Variants in PABPC4L observed in about 807,000 individuals in gnomAD.
PABPC4L encodes the protein polyadenylate-binding protein 4-like.
For missense variants in PABPC4L, 452 were observed against 451.4 expected (o/e 1.00, Z -0.01); for synonymous variants, 169 against 164.1 (o/e 1.03, Z -0.23).
chr4:134,188,106 G>T, the PABPC4L span, among the ~76,000 whole-genome samples: 1 of 151,448 alleles, frequency 6.6e-6, no homozygotes, highest in African/African-American at 2.4e-5. Flanking sequence ...TCATGTGTGT[G>T]TGTGCAGGGG....
At chr4:133,966,612 G>T in the PABPC4L span, among the ~76,000 whole-genome samples, 6 of 152,124 alleles carry the variant, frequency 3.9e-5, no homozygotes, top group African/African-American at 1.2e-4. Flanking sequence ...ATATACAATG[G>T]AATACTACTC....
the PABPC4L span, among the ~76,000 whole-genome samples, chr4:134,115,524 A>C: frequency 1.3e-5 from 2 of 151,890 alleles, no homozygotes; most frequent in Non-Finnish European, 2.9e-5. Context: ...GGAGATCTAG[A>C]ATAAGAGAAA....
the PABPC4L span, among the ~76,000 whole-genome samples, chr4:134,141,196 T>A: frequency 1.3e-5 from 2 of 151,660 alleles, no homozygotes. Context: ...CAACTGTAGA[T>A]AGTCCAAGTC....
At chr4:134,164,996 T>G in the PABPC4L span, among the ~76,000 whole-genome samples, 11 of 152,136 alleles carry the variant, frequency 7.2e-5, no homozygotes, top group Non-Finnish European at 1.5e-4. Flanking sequence ...AACCAACTGA[T>G]CTTTGACAAT....
chr4:134,154,141 C>G, the PABPC4L span, among the ~76,000 whole-genome samples: 1 of 151,948 alleles, frequency 6.6e-6, no homozygotes, highest in Admixed American at 6.6e-5. Context: ...AACATTGACT[C>G]CATAGAAAAT....
At chr4:134,172,231 A>G in the PABPC4L span, among the ~76,000 whole-genome samples, 1 of 152,286 alleles carries the variant, frequency 6.6e-6, no homozygotes, top group South Asian at 2.1e-4. Flanking sequence ...CAAAAAGTAC[A>G]AAGTTGGAGA....
At chr4:134,084,267 A>G in the PABPC4L span, among the ~76,000 whole-genome samples, 1 of 151,988 alleles carries the variant, frequency 6.6e-6, no homozygotes, top group African/African-American at 2.4e-5. Context: ...GGCTGGTATC[A>G]AACTCCTGGC....
the PABPC4L span, among the ~76,000 whole-genome samples, chr4:134,070,798 G>T: frequency 1.1e-4 from 16 of 152,260 alleles, 1 homozygote; most frequent in South Asian, 3.3e-3. Context: ...GGCAGCTGCA[G>T]CTTCACTGCA....
the PABPC4L span, among the ~76,000 whole-genome samples, chr4:133,974,407 T>C: frequency 6.6e-6 from 1 of 152,242 alleles, no homozygotes; most frequent in African/African-American, 2.4e-5. Flanking sequence ...TTTTAAATTA[T>C]GAAATCCTTA....
chr4:134,091,587 C>G, the PABPC4L span, among the ~76,000 whole-genome samples: 2 of 151,684 alleles, frequency 1.3e-5, no homozygotes, highest in Non-Finnish European at 2.9e-5. Flanking sequence ...GTAAATTCCT[C>G]TGATATTTTC....
the PABPC4L span, among the ~76,000 whole-genome samples, chr4:134,110,247 A>G: frequency 6.6e-6 from 1 of 151,996 alleles, no homozygotes; most frequent in East Asian, 1.9e-4. Flanking sequence ...TAACTCTTGG[A>G]AAAGAAAATG....
the PABPC4L span, among the ~76,000 whole-genome samples, chr4:134,146,243 T>C: frequency 6.6e-6 from 1 of 152,132 alleles, no homozygotes; most frequent in East Asian, 1.9e-4. Flanking sequence ...ATTTCAAGTT[T>C]ATACATTCTC....
chr4:134,037,606 G>T, the PABPC4L span, among the ~76,000 whole-genome samples: 5 of 151,980 alleles, frequency 3.3e-5, no homozygotes, highest in African/African-American at 7.2e-5. Context: ...GTGAGCAAAA[G>T]AATAGGAATT....
the PABPC4L span, among the ~76,000 whole-genome samples, chr4:134,075,223 T>G: frequency 6.6e-6 from 1 of 152,008 alleles, no homozygotes; most frequent in Non-Finnish European, 1.5e-5. Context: ...CACTTTAAGG[T>G]GATTTTAATT....
the PABPC4L span, among the ~76,000 whole-genome samples, chr4:134,060,784 C>G: frequency 6.6e-6 from 1 of 151,988 alleles, no homozygotes; most frequent in African/African-American, 2.4e-5. Context: ...ATGGATGGAA[C>G]TGGAGGTCAT....
At chr4:134,165,642 T>C in the PABPC4L span, among the ~76,000 whole-genome samples, 1 of 152,112 alleles carries the variant, frequency 6.6e-6, no homozygotes, top group Non-Finnish European at 1.5e-5. Flanking sequence ...ACAATAGATG[T>C]TGTCATGGAT....
At chr4:134,135,773 T>C in the PABPC4L span, among the ~76,000 whole-genome samples, 1 of 151,992 alleles carries the variant, frequency 6.6e-6, no homozygotes, top group Non-Finnish European at 1.5e-5. Context: ...GTAGAGGTTG[T>C]AGTGGGCGGA....
the PABPC4L span, among the ~76,000 whole-genome samples, chr4:134,129,833 C>A: frequency 1.3e-5 from 2 of 151,850 alleles, no homozygotes; most frequent in Non-Finnish European, 1.5e-5. Flanking sequence ...CTTTGGGAGG[C>A]CAAGGCGGGG....
At chr4:134,174,013 A>C in the PABPC4L span, among the ~76,000 whole-genome samples, 1 of 152,074 alleles carries the variant, frequency 6.6e-6, no homozygotes, top group Non-Finnish European at 1.5e-5. Flanking sequence ...CTGTACAAAA[A>C]TATTTTCTTT....
Sources: gnomAD v4.1 joint callset for allele counts (sites outside exome capture counted in the v4.1 genomes callset) on GRCh38, gnomAD v4.1.1 for gene constraint, MANE v1.5 for transcripts, NCBI Gene and HGNC (gene_info 2026-07-23, HGNC 2026-07-21) for gene names.